Variants in ISLR2 observed in about 807,000 individuals in gnomAD.
ISLR2 encodes immunoglobulin superfamily containing leucine rich repeat 2.
ISLR2 carries 16 observed loss-of-function variants against 25.5 expected under a neutral mutation model. The observed-to-expected ratio is 0.63, with a 90% CI of 0.43 to 0.95. ISLR2 has a LOEUF of 0.95. ISLR2 is among the 40% of genes least tolerant of loss of function. ISLR2 has a pLI of 0.00. For missense variants in ISLR2, 883 were observed against 1,030.7 expected, an observed-to-expected ratio of 0.86 and a Z score of 1.96; for synonymous variants, 508 against 486.6, an observed-to-expected ratio of 1.04 and a Z score of -0.58.
intron 2 of ISLR2, among the ~76,000 whole-genome samples, chr15:74,108,188 C>G: frequency 6.6e-6 from 1 of 152,172 alleles, no homozygotes; most frequent in East Asian, 1.9e-4. Context: ...GGCTGCATCC[C>G]TTTCCCACCC....
chr15:74,117,085 A>G (rs1287476151), intron 2 of ISLR2, among the ~76,000 whole-genome samples: 4 of 152,134 alleles, frequency 2.6e-5, no homozygotes, highest in Non-Finnish European at 2.9e-5. Context: ...GGCATTGTGG[A>G]TCTTATGGTG....
chr15:74,129,316 C>G (rs2072353494), upstream of ISLR2: 1 of 291,088 alleles, frequency 3.4e-6, no homozygotes, highest in African/African-American at 2.2e-5. The surrounding 1 kb of genome is among the most constrained non-coding windows in gnomAD (Gnocchi z 4.5). Flanking sequence ...TTAGACGCTG[C>G]GCTCTTAGCC....
chr15:74,122,362 C>T (rs2072259765), intron 2 of ISLR2, among the ~76,000 whole-genome samples: 1 of 152,228 alleles, frequency 6.6e-6, no homozygotes, highest in African/African-American at 2.4e-5. Context: ...TGATTGCCTA[C>T]AGGCAAGGAG....
chr15:74,127,532 G>A (rs2072314387), upstream of ISLR2: 1 of 152,358 alleles, frequency 6.6e-6, no homozygotes, highest in African/African-American at 2.4e-5. Flanking sequence ...GGTGGGCACG[G>A]GAAGTAAAGC....
upstream of ISLR2, among the ~76,000 whole-genome samples, chr15:74,124,376 G>A (rs2072275086): frequency 6.6e-6 from 1 of 152,030 alleles, no homozygotes; most frequent in Non-Finnish European, 1.5e-5. Flanking sequence ...GAGATAAACA[G>A]TCCTATGACA....
intron 2 of ISLR2, chr15:74,131,902 A>T (rs1409914418): frequency 6.6e-6 from 1 of 152,310 alleles, no homozygotes; most frequent in Non-Finnish European, 1.5e-5. Context: ...GGGCTTCCCC[A>T]GATCCCACAT....
intron 2 of ISLR2, among the ~76,000 whole-genome samples, chr15:74,118,512 T>G (rs932335337): frequency 6.6e-5 from 10 of 152,152 alleles, no homozygotes; most frequent in African/African-American, 2.2e-4. Context: ...ATGGGGCTGA[T>G]AGAGTATCCA....
At chr15:74,139,854 G>A (rs1325616896), downstream of ISLR2, among the ~76,000 whole-genome samples, 2 of 143,988 alleles carry the variant, frequency 1.4e-5, no homozygotes, top group Non-Finnish European at 3.0e-5. Context: ...GGAGTCTAAC[G>A]GCTTGAGGAG....
chr15:74,128,659 T>C (rs960873539), upstream of ISLR2: 3 of 456,108 alleles, frequency 6.6e-6, no homozygotes, highest in Admixed American at 4.7e-5. Flanking sequence ...AGAAAATAGG[T>C]AAAAACCGGC....
chr15:74,126,345 G>GTTGTTTT (rs1228122616), upstream of ISLR2: 1 of 139,972 alleles, frequency 7.1e-6, no homozygotes, highest in African/African-American at 2.9e-5. Flanking sequence ...AAAAGCATAG[G>GTTGTTTT]TATTTTTTTT....
chr15:74,110,920 G>A (rs899595954), intron 2 of ISLR2, among the ~76,000 whole-genome samples: 6 of 151,912 alleles, frequency 3.9e-5, no homozygotes, highest in South Asian at 2.1e-4. Flanking sequence ...GATTGAGATC[G>A]TGCCATCGCA....
At chr15:74,125,780 A>G (rs1567157707), upstream of ISLR2, 1 of 152,148 alleles carries the variant, frequency 6.6e-6, no homozygotes, top group African/African-American at 2.4e-5. Flanking sequence ...CCATTCAGAA[A>G]ATTCCTCTCA....
chr15:74,108,465 A>G (rs1595936271), intron 2 of ISLR2, among the ~76,000 whole-genome samples: 1 of 152,188 alleles, frequency 6.6e-6, no homozygotes, highest in East Asian at 1.9e-4. Flanking sequence ...CCACAGCAGC[A>G]CTGCCGCCCC....
At chr15:74,125,204 T>C (rs972507515), upstream of ISLR2, among the ~76,000 whole-genome samples, 2 of 152,144 alleles carry the variant, frequency 1.3e-5, no homozygotes, top group South Asian at 4.2e-4. Flanking sequence ...CCCTTACTTG[T>C]TTTTTGGTGT....
intron 2 of ISLR2, among the ~76,000 whole-genome samples, chr15:74,116,178 A>G (rs192348159): frequency 3.9e-5 from 6 of 152,156 alleles, no homozygotes; most frequent in Admixed American, 2.6e-4. Flanking sequence ...GCCTGGGCAC[A>G]TAGTGAGACC....
At position 74,134,925 on chromosome 15, in the gene ISLR2, C is replaced by T; in HGVS notation, c.2171C>T (p.Pro724Leu). 1 of 1,613,972 alleles carries T rather than the reference C, an allele frequency of 6.2e-7. No individual in the cohort carries two copies. The highest frequency in any genetic ancestry group is 2.2e-5 in the East Asian group (1 of 44,858). The change falls in exon 3 of 3, where the codon CCC becomes CTC. Residue 724 changes from proline (P) to leucine (L), a missense_variant. Pro to Leu is a moderately conservative substitution (Grantham distance 98). Around this residue, in one of 2 missense-constraint regions of ISLR2, gnomAD observed 612 missense variants for 642.8 expected, o/e 0.95. Coordinates refer to ENST00000453268, the MANE Select transcript of ISLR2 (RefSeq NM_020851.3). ...EAGSEYSDRL[P>L]LGAEAVNIAQ... ...GGCTCTGAGTACAGCGATCGGCTGC[C>T]CCTGGGCGCCGAGGCGGTCAACATC...
intron 2 of ISLR2, among the ~76,000 whole-genome samples, chr15:74,116,601 A>G (rs2072213269): frequency 6.6e-6 from 1 of 152,236 alleles, no homozygotes. Flanking sequence ...CTGACATAAT[A>G]AATACATGGA....
intron 2 of ISLR2, among the ~76,000 whole-genome samples, chr15:74,120,636 C>CTG (rs1468028098): frequency 1.3e-5 from 2 of 151,096 alleles, no homozygotes; most frequent in South Asian, 2.1e-4. Flanking sequence ...GAACAGGGAG[C>CTG]TGTGTGTGTG....
chr15:74,125,567 G>A (rs1044428566), upstream of ISLR2, among the ~76,000 whole-genome samples: 5 of 152,150 alleles, frequency 3.3e-5, no homozygotes, highest in African/African-American at 1.2e-4. Context: ...CAGGAGTATC[G>A]CCTCTTCCAG....
Sources: allele counts gnomAD v4.1 joint callset (sites outside exome capture counted in the v4.1 genomes callset), GRCh38; gene constraint gnomAD v4.1.1; regional missense constraint gnomAD v4.1.1; non-coding constraint Gnocchi (gnomAD v3.1); transcripts MANE v1.5; gene names NCBI Gene and HGNC (gene_info 2026-07-23, HGNC 2026-07-21).